ANTXRL: variants seen among roughly 807,000 people sequenced by gnomAD.
ANTXRL encodes the protein ANTXR like, also known as anthrax toxin receptor-like.
Under a neutral mutation model 75.4 loss-of-function variants are expected in ANTXRL, and 63 were observed. The ratio of observed to expected loss-of-function variants is 0.84; its 90% confidence interval spans 0.68 to 1.03. The LOEUF is 1.03. ANTXRL is among the 50% of genes least tolerant of loss of function. ANTXRL has a pLI of 0.00. For synonymous variants in ANTXRL, 335 were observed against 291.3 expected (o/e 1.15, Z -1.53); for missense variants, 797 against 789.4 (o/e 1.01, Z -0.12).
chr10:46,309,080 A>G (rs1554962686), intron 12 of ANTXRL, 33 bp from the exon 13 acceptor site: 13 of 1,535,312 alleles, frequency 8.5e-6, no homozygotes, highest in Non-Finnish European at 1.1e-5. Context: ...GAGGCCACCG[A>G]GGCCCTCCTA....
At chr10:46,306,320 C>T (rs759099747) in intron 10 of ANTXRL, among the ~76,000 whole-genome samples, 1 of 152,188 alleles carries the variant, frequency 6.6e-6, no homozygotes, top group Non-Finnish European at 1.5e-5. Context: ...TCAACCTGCC[C>T]CCACCTGCTT....
chr10:46,293,823 T>C lies in ANTXRL; in HGVS notation c.321-6T>C. On this transcript the variant is annotated splice_polypyrimidine_tract_variant and splice_region_variant and intron_variant, in intron 2 of 16. Transcript: ENST00000620264. ...GGCTTCTCACCAGCACATGATTCCT[T>C]CACAGCCCAAATATTCGGATGTGCT... 1 of 1,535,434 alleles carries C rather than the reference T, an allele frequency of 6.5e-7. No individual in the cohort carries two copies.
intron 16 of ANTXRL, among the ~76,000 whole-genome samples, chr10:46,324,850 T>C (rs7079898): frequency 0.52 from 78,620 of 151,800 alleles, 21,358 homozygotes; most frequent in Admixed American, 0.63. Flanking sequence ...ATTGTATGTG[T>C]CCTTTCAACT....
chr10:46,290,117 T>C (rs77631163), intron 1 of ANTXRL, among the ~76,000 whole-genome samples: 5,402 of 148,406 alleles, frequency 0.036, 204 homozygotes, highest in East Asian at 0.12. Flanking sequence ...TCTCGGCTCA[T>C]TGCAACCTCC....
intron 16 of ANTXRL, among the ~76,000 whole-genome samples, chr10:46,327,165 G>C (rs1362377339): frequency 2.0e-5 from 3 of 152,262 alleles, no homozygotes; most frequent in Non-Finnish European, 2.9e-5. Flanking sequence ...GAGGGAGGGT[G>C]CCAGGGCATG....
intron 10 of ANTXRL, among the ~76,000 whole-genome samples, chr10:46,303,906 T>G (rs1837908573): frequency 6.6e-6 from 1 of 152,090 alleles, no homozygotes; most frequent in Non-Finnish European, 1.5e-5. Flanking sequence ...TCATTTGATC[T>G]GATGTTAGTA....
chr10:46,313,247 T>C lies in ANTXRL; in HGVS notation c.1341T>C (p.Asp447=), dbSNP rs1554963960. The change falls in exon 16 of 17, where the codon GAT becomes GAC. Residue 447 remains aspartate, a synonymous_variant. Coordinates refer to ENST00000620264, the MANE Select transcript of ANTXRL (RefSeq NM_001278688.3). ...GGMRRIEGNL[D]TFCDLSHASC... ...ACGTTGCTTTTCAGGGCAATCTGGA[T>C]ACCTTTTGTGACCTCTCTCACGCAA... is the stretch of plus-strand genomic sequence containing the variant. The C allele has an allele frequency of 2.6e-6, 4 of 1,535,868 alleles. No individual in the cohort carries two copies. In the Admixed American group the frequency reaches 7.8e-5, roughly 30 times the overall value.
chr10:46,287,563 C>G, intron 1 of ANTXRL, 53 bp downstream of exon 1: 1 of 1,498,124 alleles, frequency 6.7e-7, no homozygotes, highest in Non-Finnish European at 8.9e-7. Flanking sequence ...GCCACTGTCT[C>G]TTTTTCACTA....
chr10:46,295,328 T>A (rs1554958217), intron 3 of ANTXRL, among the ~76,000 whole-genome samples: 1 of 152,114 alleles, frequency 6.6e-6, no homozygotes, highest in Non-Finnish European at 1.5e-5. Flanking sequence ...AAGGACGGAG[T>A]GCCCAACACA....
chr10:46,309,030 G>A, intron 12 of ANTXRL, 83 bp from the exon 13 acceptor site: 10 of 1,524,190 alleles, frequency 6.6e-6, no homozygotes, highest in Non-Finnish European at 8.8e-6. Context: ...GGGAGAGTGA[G>A]GAGTGGGCAG....
intron 9 of ANTXRL, among the ~76,000 whole-genome samples, chr10:46,300,506 G>GGA (rs1554960224): frequency 3.3e-5 from 5 of 152,172 alleles, no homozygotes; most frequent in Non-Finnish European, 5.9e-5. Context: ...GGTTTTGACA[G>GGA]GCATCTCCCT....
At chr10:46,319,004 T>C (rs549091667) in intron 16 of ANTXRL, among the ~76,000 whole-genome samples, 8 of 152,094 alleles carry the variant, frequency 5.3e-5, no homozygotes, top group Non-Finnish European at 7.3e-5. Context: ...ATTTCAACAG[T>C]TGGCTGCTGT....
chr10:46,287,289 C>T lies in ANTXRL; in HGVS notation c.27C>T (p.Pro9=). 1 of 1,535,888 alleles carries T rather than the reference C, an allele frequency of 6.5e-7. No individual in the cohort carries two copies. Among genetic ancestry groups the T allele is most frequent in the South Asian group, 1.2e-5 (1 of 84,048 alleles). The change falls in exon 1 of 17, where the codon CCC becomes CCT. Residue 9 remains proline (P), a synonymous_variant. Coordinates refer to ENST00000620264, the MANE Select transcript of ANTXRL (RefSeq NM_001278688.3). Reference sequence around the variant, plus strand: ...TGGGGAGCCATGAGTCCCTGGGGCCCTACTTCCTGGTCTTCCTGCTGCTGC... The same window carrying T: ...TGGGGAGCCATGAGTCCCTGGGGCCTTACTTCCTGGTCTTCCTGCTGCTGC... The part of the protein sequence containing the change: MGSHESLG[P]YFLVFLLLLL...
chr10:46,329,967 C>G lies in ANTXRL; in HGVS notation c.1779C>G (p.Arg593=), dbSNP rs190314639. 2.1e-4 allele frequency: 316 copies of G among 1,535,722 alleles called. 1 individual carries two copies. In the East Asian group the frequency reaches 7.1e-3, roughly 34 times the overall value. ...CLPLTCSSRC[R]LPPARCLRPP... ...CCCTCACCTGCTCCTCCAGGTGCCG[C>G]CTCCCCCCAGCTAGGTGCTTGAGGC... The change falls in exon 17 of 17, where the codon CGC becomes CGG. Residue 593 remains arginine (R), a synonymous_variant. Transcript: ENST00000620264.
In ANTXRL at chr10:46,297,869, A is replaced by C. The variant is rs1201474412; in HGVS notation, c.693A>C (p.Ala231=). 8 of 1,535,876 alleles carry C rather than the reference A, an allele frequency of 5.2e-6. No individual in the cohort carries two copies. Among genetic ancestry groups the C allele is most frequent in the Non-Finnish European group, 7.0e-6 (8 of 1,146,734 alleles). Reference sequence around the variant, plus strand: ...CAGACAGCCCTGGCCACGTGTTTGCAGTGGAGAATGGCTTCAAGGCCCTGA... The same window carrying C: ...CAGACAGCCCTGGCCACGTGTTTGCCGTGGAGAATGGCTTCAAGGCCCTGA... ...AIADSPGHVF[A]VENGFKALRS... Residue 231 remains alanine, a synonymous_variant, in exon 8 of 17, where the codon GCA becomes GCC. Transcript: ENST00000620264.
chr10:46,324,445 T>G, intron 16 of ANTXRL, among the ~76,000 whole-genome samples: 1 of 152,296 alleles, frequency 6.6e-6, no homozygotes, highest in Non-Finnish European at 1.5e-5. Flanking sequence ...ATCTTATTAA[T>G]TAGCTGTAGA....
At chr10:46,323,327 C>T (rs1373789569) in intron 16 of ANTXRL, among the ~76,000 whole-genome samples, 1 of 152,102 alleles carries the variant, frequency 6.6e-6, no homozygotes, top group African/African-American at 2.4e-5. Context: ...TGTACTGTCT[C>T]GTAAATTAAC....
intron 16 of ANTXRL, among the ~76,000 whole-genome samples, chr10:46,319,933 T>G (rs1458239864): frequency 6.6e-6 from 1 of 152,152 alleles, no homozygotes; most frequent in Non-Finnish European, 1.5e-5. Flanking sequence ...CATTCACTTG[T>G]GTTCAATACC....
intron 1 of ANTXRL, 129 bp from the exon 2 acceptor site, chr10:46,291,929 C>A: frequency 1.2e-6 from 1 of 818,456 alleles, no homozygotes; most frequent in Non-Finnish European, 2.0e-6. Context: ...TGGGGGTGTA[C>A]CCCAGCCTCA....
Sources: allele counts gnomAD v4.1 joint callset (sites outside exome capture counted in the v4.1 genomes callset), GRCh38; gene constraint gnomAD v4.1.1; transcripts MANE v1.5; gene names NCBI Gene and HGNC (gene_info 2026-07-23, HGNC 2026-07-21).